Variants in TBC1D2B observed in about 807,000 individuals in gnomAD.
TBC1D2B encodes TBC1 domain family, member 2B.
TBC1D2B carries 64 observed loss-of-function variants against 100.8 expected under a neutral mutation model. That is an observed-to-expected ratio of 0.64 (90% CI 0.52 to 0.78). The LOEUF (loss-of-function observed/expected upper bound fraction) is 0.78. TBC1D2B is among the 30% of genes least tolerant of loss of function. The probability of loss-of-function intolerance (pLI) is 0.00; values close to 1 mark genes in which losing one functional copy is unlikely to be tolerated. For missense variants in TBC1D2B, 1,052 were observed against 1,218.4 expected (o/e 0.86, Z 2.03); for synonymous variants, 480 against 479.7 (o/e 1.00, Z -0.01).
Position 78,045,046 on chromosome 15 carries a change from A to G in TBC1D2B, c.537T>C (p.Asn179=). 6.2e-7 allele frequency: 1 copy of G among 1,610,130 alleles called. No individual in the cohort carries two copies. The highest frequency in any genetic ancestry group is 8.5e-7 in the Non-Finnish European group (1 of 1,177,674). Residue 179 remains asparagine, a synonymous_variant, in exon 3 of 13, where the codon AAT becomes AAC. Transcript: ENST00000300584. ...CATTTCTGGCTTTTTCTGCAGAAGC[A>G]TTTGGGTGTGGGTAAATTAAATCTG... ...DNTDLIYPHP[N]ASAEKARNVL... is the part of the protein sequence containing the mutation.
At chr15:78,071,541 T>C (rs867522770) in intron 1 of TBC1D2B, among the ~76,000 whole-genome samples, 14 of 152,316 alleles carry the variant, frequency 9.2e-5, no homozygotes, top group Middle Eastern at 3.4e-3. Flanking sequence ...CCCGAAAATA[T>C]GGAACTGACT....
At chr15:78,076,562 T>C (rs961042226) in intron 1 of TBC1D2B, among the ~76,000 whole-genome samples, 2 of 150,344 alleles carry the variant, frequency 1.3e-5, no homozygotes, top group African/African-American at 4.9e-5. Context: ...CTGGGCAACA[T>C]AGTGAGACCC....
intron 4 of TBC1D2B, among the ~76,000 whole-genome samples, chr15:78,027,156 G>A (rs773568217): frequency 1.1e-4 from 17 of 152,160 alleles, no homozygotes; most frequent in Middle Eastern, 3.2e-3. Context: ...GAGCATATAA[G>A]TGTGATTTAT....
intron 3 of TBC1D2B, among the ~76,000 whole-genome samples, chr15:78,037,468 G>T (rs1375327960): frequency 2.0e-5 from 3 of 152,168 alleles, no homozygotes; most frequent in Non-Finnish European, 2.9e-5. Flanking sequence ...GACATACTGG[G>T]TTCAGCCTTG....
intron 3 of TBC1D2B, among the ~76,000 whole-genome samples, chr15:78,038,730 C>A (rs1462946451): frequency 6.6e-6 from 1 of 152,118 alleles, no homozygotes; most frequent in Non-Finnish European, 1.5e-5. Context: ...CCTTGGTGGC[C>A]CTGGACAAGA....
In TBC1D2B at chr15:78,024,314, C is replaced by T. The variant is rs1435515527; in HGVS notation, c.1312G>A (p.Glu438Lys). The change falls in exon 6 of 13, where the codon GAG becomes AAG. Residue 438 changes from glutamate to lysine, a missense_variant. Glu to Lys is a moderately conservative substitution (Grantham distance 56). Transcript: ENST00000300584. ...TLKSKVGELN[E>K]QLGMLMETIQ... is the part of the protein sequence containing the mutation. ...GTCTCCATGAGCATTCCCAGCTGCT[C>T]GTTGAGCTCGCCCACTTTGCTCTTC... 9.9e-6 allele frequency: 16 copies of T among 1,614,060 alleles called. No individual in the cohort carries two copies. Among genetic ancestry groups the T allele is most frequent in the Non-Finnish European group, 1.3e-5 (15 of 1,179,902 alleles).
chr15:78,000,714 G>T (rs1365316986), intron 12 of TBC1D2B, among the ~76,000 whole-genome samples: 1 of 152,254 alleles, frequency 6.6e-6, no homozygotes, highest in Admixed American at 6.5e-5. Context: ...GCAGCCAACA[G>T]CTGCAGTCCA....
At chr15:78,063,944 G>A (rs1029632278) in intron 1 of TBC1D2B, among the ~76,000 whole-genome samples, 5 of 151,848 alleles carry the variant, frequency 3.3e-5, no homozygotes, top group Non-Finnish European at 7.4e-5. Context: ...TTCCTAACTG[G>A]ACTTGCTGTC....
chr15:78,076,085 A>G (rs775547648), intron 1 of TBC1D2B, among the ~76,000 whole-genome samples: 16 of 152,296 alleles, frequency 1.1e-4, no homozygotes, highest in Non-Finnish European at 1.8e-4. Flanking sequence ...AAGGATACCC[A>G]GCTCCAGGCC....
At position 78,077,595 on chromosome 15, in the gene TBC1D2B, GCGCCGCGCCCT is replaced by G; in HGVS notation, c.47_57del (p.Glu16AlafsTer124). The G allele has an allele frequency of 8.6e-7, 1 of 1,168,728 alleles. No individual in the cohort carries two copies. 72.4% of individuals were successfully genotyped at this position (1,168,728 alleles called of 1,614,324 possible). ...GCCCCGGGCTCCGCGGCCGCCCCCT[GCGCCGCGCCCT>G]CGCCGCCGCCGCCGCCCTCCTCCGC... On this transcript the variant is annotated frameshift_variant, in exon 1 of 13. Coordinates refer to ENST00000300584, the MANE Select transcript of TBC1D2B (RefSeq NM_144572.2). LOFTEE classifies it high-confidence loss of function.
At chr15:78,067,547 A>G (rs548935972) in intron 1 of TBC1D2B, among the ~76,000 whole-genome samples, 11 of 152,292 alleles carry the variant, frequency 7.2e-5, no homozygotes, top group African/African-American at 2.6e-4. Context: ...CAAGATCAAC[A>G]TCTCTGATAA....
At chr15:78,001,326 A>G (rs2071907020) in intron 12 of TBC1D2B, among the ~76,000 whole-genome samples, 2 of 152,176 alleles carry the variant, frequency 1.3e-5, no homozygotes, top group South Asian at 4.1e-4. Context: ...CACAGACCCT[A>G]CCACAAAGCA....
At chr15:78,005,078 T>C (rs911216423) in intron 10 of TBC1D2B, among the ~76,000 whole-genome samples, 3 of 152,170 alleles carry the variant, frequency 2.0e-5, no homozygotes, top group African/African-American at 7.2e-5. Flanking sequence ...GGGAGGGGCA[T>C]ATCAGCTGGC....
chr15:78,049,759 C>T (rs1002107347), intron 2 of TBC1D2B, among the ~76,000 whole-genome samples: 2 of 152,118 alleles, frequency 1.3e-5, no homozygotes, highest in Admixed American at 6.5e-5. Context: ...CAGGCTCCTC[C>T]GAGACAGAAC....
rs1491579725 is a variant in TBC1D2B at position 78,068,382 on chromosome 15, C to CA, written c.360+8910_360+8911insT. ...ATGAAATGAAAGCACACACACCACA[C>CA]CCACACACACACACACACACACACA... is the stretch of plus-strand genomic sequence containing the variant. On this transcript the variant is annotated intron_variant, in intron 1 of 12. Transcript: ENST00000300584. 3.5e-3 allele frequency among the ~76,000 whole-genome samples: 475 copies of CA among 134,918 alleles called. 1 individual carries two copies. Among genetic ancestry groups the CA allele is most frequent in the African/African-American group, 8.9e-3 (325 of 36,474 alleles). The allele number at this position is 134,918 out of a possible 152,430, so 88.5% of individuals were successfully genotyped here.
intron 2 of TBC1D2B, among the ~76,000 whole-genome samples, chr15:78,052,957 G>C (rs1156721833): frequency 1.3e-5 from 2 of 152,212 alleles, no homozygotes; most frequent in Admixed American, 1.3e-4. Flanking sequence ...AGACAGTCGT[G>C]AAAGTGACTC....
At chr15:78,034,718 G>T in intron 3 of TBC1D2B, 1 of 985,474 alleles carries the variant, frequency 1.0e-6, no homozygotes, top group Non-Finnish European at 1.2e-6. Context: ...CTTGCTGGAG[G>T]TGCGGTGCTA....
At chr15:78,026,369 G>C (rs1048628945) in intron 4 of TBC1D2B, among the ~76,000 whole-genome samples, 3 of 152,004 alleles carry the variant, frequency 2.0e-5, no homozygotes, top group Non-Finnish European at 2.9e-5. Flanking sequence ...AAACAAGTTT[G>C]GTCCCCTGGC....
intron 2 of TBC1D2B, among the ~76,000 whole-genome samples, chr15:78,046,636 G>C (rs190038583): frequency 1.3e-5 from 2 of 151,566 alleles, no homozygotes; most frequent in Admixed American, 1.3e-4. Flanking sequence ...GCTAATTTTT[G>C]TATTTTTTTT....
Sources: allele counts gnomAD v4.1 joint callset (sites outside exome capture counted in the v4.1 genomes callset), GRCh38; gene constraint gnomAD v4.1.1; transcripts MANE v1.5; gene names NCBI Gene and HGNC (gene_info 2026-07-23, HGNC 2026-07-21).